Variants in ADAM23 observed in about 807,000 individuals in gnomAD.
ADAM23 encodes the protein disintegrin and metalloproteinase domain-containing protein 23.
A neutral mutation model predicts 120.1 loss-of-function variants in ADAM23; 33 were observed. The ratio of observed to expected loss-of-function variants is 0.27; its 90% confidence interval spans 0.21 to 0.37. ADAM23 has a LOEUF of 0.37. Among genes scored for constraint, ADAM23 ranks in the 10% least tolerant of loss-of-function variants. The pLI is 1.00. For synonymous variants in ADAM23, 367 were observed against 375.2 expected (o/e 0.98, Z 0.25); for missense variants, 862 against 1,058.2 (o/e 0.81, Z 2.57).
At chr2:206,460,315 G>A (rs754984886) in intron 2 of ADAM23, among the ~76,000 whole-genome samples, 9 of 152,108 alleles carry the variant, frequency 5.9e-5, no homozygotes, top group Middle Eastern at 3.2e-3. Flanking sequence ...TTTCCATGAT[G>A]GTTGCACCAT....
intron 3 of ADAM23, among the ~76,000 whole-genome samples, chr2:206,506,068 G>C (rs1260147919): frequency 6.6e-6 from 1 of 152,064 alleles, no homozygotes; most frequent in Non-Finnish European, 1.5e-5. Context: ...CATTAAGAAG[G>C]GTTAGATTTA....
At chr2:206,593,900 T>C (rs939643354) in intron 22 of ADAM23, among the ~76,000 whole-genome samples, 1 of 151,688 alleles carries the variant, frequency 6.6e-6, no homozygotes, top group Non-Finnish European at 1.5e-5. Flanking sequence ...TGGTCTGTCA[T>C]TGACTGAAAT....
chr2:206,598,411 A>G (rs1459441073), intron 24 of ADAM23, among the ~76,000 whole-genome samples: 1 of 152,128 alleles, frequency 6.6e-6, no homozygotes, highest in Non-Finnish European at 1.5e-5. Context: ...CATTAAGTAA[A>G]GAAAGTCACA....
intron 2 of ADAM23, among the ~76,000 whole-genome samples, chr2:206,472,249 T>C (rs897072806): frequency 1.3e-5 from 2 of 152,190 alleles, no homozygotes; most frequent in Admixed American, 6.5e-5. Context: ...TGTGATTGAC[T>C]GGAATATGTA....
At chr2:206,591,808 A>G (rs1243297925) in intron 21 of ADAM23, among the ~76,000 whole-genome samples, 1 of 152,198 alleles carries the variant, frequency 6.6e-6, no homozygotes, top group Non-Finnish European at 1.5e-5. Context: ...TTTCACCAAC[A>G]CTTGGTATTA....
At chr2:206,569,024 T>C (rs1218937103) in intron 15 of ADAM23, among the ~76,000 whole-genome samples, 1 of 152,180 alleles carries the variant, frequency 6.6e-6, no homozygotes, top group African/African-American at 2.4e-5. Flanking sequence ...TTGATTTCAA[T>C]GCAACAGAAA....
intron 3 of ADAM23, among the ~76,000 whole-genome samples, chr2:206,514,959 C>G (rs752499982): frequency 6.6e-6 from 1 of 152,152 alleles, no homozygotes; most frequent in African/African-American, 2.4e-5. Flanking sequence ...GTAAACCTAC[C>G]TTTTATGTAC....
At chr2:206,512,656 T>C (rs547766468) in intron 3 of ADAM23, among the ~76,000 whole-genome samples, 1 of 151,536 alleles carries the variant, frequency 6.6e-6, no homozygotes, top group South Asian at 2.1e-4. Context: ...TGAAAAAGAC[T>C]TTTTTTTTGA....
intron 8 of ADAM23, among the ~76,000 whole-genome samples, chr2:206,549,272 A>C: frequency 6.6e-6 from 1 of 151,214 alleles, no homozygotes; most frequent in East Asian, 1.9e-4. Flanking sequence ...TTTATTATAT[A>C]TTATATAAAT....
At chr2:206,550,214 TAC>T in intron 9 of ADAM23, 54 bp downstream of exon 9, 1 of 1,093,266 alleles carries the variant, frequency 9.1e-7, no homozygotes. Context: ...TAAGAAAGAA[TAC>T]ATTTTACTTT....
intron 3 of ADAM23, among the ~76,000 whole-genome samples, chr2:206,527,053 C>T (rs554464585): frequency 9.5e-4 from 145 of 152,138 alleles, no homozygotes; most frequent in Middle Eastern, 3.2e-3. Context: ...AACAGATAAC[C>T]TGCATGAGAA....
intron 16 of ADAM23, 69 bp from the exon 17 acceptor site, chr2:206,571,658 C>A: frequency 9.2e-7 from 1 of 1,085,510 alleles, no homozygotes; most frequent in Non-Finnish European, 1.4e-6. Flanking sequence ...ATGCATGCCA[C>A]GTGTGGAGAG....
Position 206,587,363 on chromosome 2 carries a change from C to T in ADAM23, c.1776C>T (p.Cys592=), listed in dbSNP as rs746683464. 1 of 1,606,014 alleles carries T rather than the reference C, an allele frequency of 6.2e-7. No individual in the cohort carries two copies. Among genetic ancestry groups the T allele is most frequent in the Non-Finnish European group, 8.5e-7 (1 of 1,175,850 alleles). Reference sequence around the variant, plus strand: ...TTCATAAGCAAGACGGATATGCATGCAATCAAAATCAGGTATGCTGGGCTA... The same window carrying T: ...TTCATAAGCAAGACGGATATGCATGTAATCAAAATCAGGTATGCTGGGCTA... The part of the protein sequence containing the change: ...PNLHKQDGYA[C]NQNQGRCYNG... Residue 592 remains cysteine, a synonymous_variant, in exon 19 of 26, where the codon TGC becomes TGT. Coordinates refer to ENST00000264377, the MANE Select transcript of ADAM23 (RefSeq NM_003812.4).
intron 24 of ADAM23, among the ~76,000 whole-genome samples, chr2:206,598,432 A>G (rs1417514732): frequency 1.3e-5 from 2 of 152,202 alleles, no homozygotes; most frequent in Admixed American, 6.5e-5. Context: ...TTCTAGAGAA[A>G]GAGTACTCAC....
chr2:206,453,254 G>T (rs1288087458), intron 2 of ADAM23, among the ~76,000 whole-genome samples: 7 of 152,190 alleles, frequency 4.6e-5, no homozygotes, highest in Admixed American at 4.6e-4. Flanking sequence ...GAAAACCCCT[G>T]TGACCAGTGG....
intron 3 of ADAM23, among the ~76,000 whole-genome samples, chr2:206,524,151 G>A (rs1209333886): frequency 6.6e-6 from 1 of 152,070 alleles, no homozygotes; most frequent in Non-Finnish European, 1.5e-5. Flanking sequence ...GGCATTTGTG[G>A]TACTCCTTTT....
At position 206,620,678 on chromosome 2, in the gene ADAM23, C is replaced by G. The variant is rs751839198; in HGVS notation, c.*3051C>G. On this transcript the variant is annotated 3_prime_UTR_variant, in exon 26 of 26. Coordinates refer to ENST00000264377, the MANE Select transcript of ADAM23 (RefSeq NM_003812.4). ...AATGACACCCGGATGAGGAGACGTG[C>G]GCTAACTTCATTGCTCATCTGGGAT... The G allele has an allele frequency of 6.6e-6, 1 of 152,086 alleles. No individual in the cohort carries two copies. Among genetic ancestry groups the G allele is most frequent in the Non-Finnish European group, 1.5e-5 (1 of 68,030 alleles). The allele number at this position is 152,086 out of a possible 1,614,324, so 9.4% of individuals were successfully genotyped here.
At chr2:206,592,587 G>C in intron 21 of ADAM23, 30 bp from the exon 22 acceptor site, 2 of 1,607,292 alleles carry the variant, frequency 1.2e-6, no homozygotes, top group Non-Finnish European at 1.7e-6. Context: ...CCTCCTGTCT[G>C]GTCTGTTTGT....
At chr2:206,483,813 G>A (rs1218726552) in intron 3 of ADAM23, among the ~76,000 whole-genome samples, 1 of 152,176 alleles carries the variant, frequency 6.6e-6, no homozygotes, top group Non-Finnish European at 1.5e-5. Flanking sequence ...TGGAGGAAAT[G>A]AGAGGGGACA....
Sources: allele counts gnomAD v4.1 joint callset (sites outside exome capture counted in the v4.1 genomes callset), GRCh38; gene constraint gnomAD v4.1.1; transcripts MANE v1.5; gene names NCBI Gene and HGNC (gene_info 2026-07-23, HGNC 2026-07-21).